Variants in OSBPL5 observed in about 807,000 individuals in gnomAD.
The protein encoded by OSBPL5 is oxysterol binding protein like 5.
Under a neutral mutation model 111.2 loss-of-function variants are expected in OSBPL5, and 71 were observed. The ratio of observed to expected loss-of-function variants is 0.64; its 90% CI spans 0.53 to 0.78. OSBPL5 has a LOEUF of 0.78. Ranked by LOEUF, OSBPL5 falls within the 30% of genes least tolerant of loss-of-function variation. OSBPL5 has a pLI of 0.00. For synonymous variants in OSBPL5, 549 were observed against 513.9 expected (o/e 1.07, Z -0.93); for missense variants, 1,210 against 1,189.3 (o/e 1.02, Z -0.26).
intron 1 of OSBPL5, among the ~76,000 whole-genome samples, chr11:3,156,184 TCCC>T (rs1846752776): frequency 6.6e-6 from 1 of 151,812 alleles, no homozygotes; most frequent in Admixed American, 6.6e-5. Flanking sequence ...CCCAGGTCAG[TCCC>T]CCGGGAGAGT....
chr11:3,130,145 A>G lies in OSBPL5; in HGVS notation c.-21-976T>C, dbSNP rs1182811704. Among the ~76,000 whole-genome samples the G allele has an allele frequency of 1.3e-5, 2 of 152,242 alleles. No individual in the cohort carries two copies. Among genetic ancestry groups the G allele is most frequent in the Admixed American group, 6.5e-5 (1 of 15,290 alleles). On this transcript the variant is annotated intron_variant, in intron 1 of 21. Coordinates refer to ENST00000263650, the MANE Select transcript of OSBPL5 (RefSeq NM_020896.4). The surrounding 1 kb of genome is among the most constrained non-coding windows in gnomAD (Gnocchi z 4.5). ...GCCAGATCCACTGAGGTCTCAGCCC[A>G]TTTTACAGATGAGAAAATCATGGCT...
chr11:3,091,271 G>A (rs372364187), intron 19 of OSBPL5, among the ~76,000 whole-genome samples: 15 of 152,376 alleles, frequency 9.8e-5, no homozygotes, highest in African/African-American at 3.4e-4. Flanking sequence ...CAGGGGTGGG[G>A]AAAAAGCAGA....
At chr11:3,148,582 C>T (rs978665995) in intron 1 of OSBPL5, among the ~76,000 whole-genome samples, 10 of 152,322 alleles carry the variant, frequency 6.6e-5, no homozygotes, top group East Asian at 1.9e-4. Context: ...GACGGCAGGG[C>T]GGGGGCACCG....
chr11:3,099,607 C>T (rs1857385887), intron 14 of OSBPL5, among the ~76,000 whole-genome samples: 2 of 152,102 alleles, frequency 1.3e-5, no homozygotes, highest in African/African-American at 4.8e-5. Flanking sequence ...CTACAGGGCA[C>T]CAAGGCAAGG....
In OSBPL5 at chr11:3,142,135, T is replaced by C. The variant is rs1846139816; in HGVS notation, c.-21-12966A>G. Among the ~76,000 whole-genome samples the C allele has an allele frequency of 6.6e-6, 1 of 152,194 alleles. No homozygotes were observed. On this transcript the variant is annotated intron_variant, in intron 1 of 21. Transcript: ENST00000263650. The surrounding 1 kb of genome is among the most constrained non-coding windows in gnomAD (Gnocchi z 7.1). The stretch of plus-strand genomic sequence containing the variant: ...GGTTTCACCATGTTGGCCAGGCTGG[T>C]CTCCAACTCCCGACCTCAAGTGATC...
chr11:3,090,950 G>A (rs1857035654), intron 19 of OSBPL5, among the ~76,000 whole-genome samples: 1 of 152,232 alleles, frequency 6.6e-6, no homozygotes, highest in African/African-American at 2.4e-5. Context: ...GCAAGGGCCT[G>A]CAAGGTGGTG....
chr11:3,135,140 T>C (rs1482947883), intron 1 of OSBPL5, among the ~76,000 whole-genome samples: 11 of 152,214 alleles, frequency 7.2e-5, no homozygotes, highest in Admixed American at 7.2e-4. Context: ...GTGCGTCTCT[T>C]TGGACCTGAA....
chr11:3,137,949 G>C lies in OSBPL5; in HGVS notation c.-21-8780C>G, dbSNP rs79232184. Among the ~76,000 whole-genome samples the C allele has an allele frequency of 7.5e-3, 1,143 of 152,348 alleles. 11 individuals are homozygous for C. Among genetic ancestry groups the C allele is most frequent in the African/African-American group, 0.026 (1,096 of 41,572 alleles). ...CTTTGGAGATAGCTGTGGAGCTGAG[G>C]GGGAGGCCAGGCCTCCCTCTGGGGA... On this transcript the variant is annotated intron_variant, in intron 1 of 21. Transcript: ENST00000263650.
At chr11:3,153,660 A>T (rs1007897925) in intron 1 of OSBPL5, among the ~76,000 whole-genome samples, 3 of 152,166 alleles carry the variant, frequency 2.0e-5, no homozygotes, top group Non-Finnish European at 4.4e-5. Flanking sequence ...AAGCAGACAC[A>T]GTTTAAAAAT....
chr11:3,151,911 A>G (rs1166982012), intron 1 of OSBPL5, among the ~76,000 whole-genome samples: 2 of 152,212 alleles, frequency 1.3e-5, no homozygotes, highest in Admixed American at 1.3e-4. Flanking sequence ...CCGTTCTCAA[A>G]TCTCCTGGAA....
At chr11:3,143,354 C>G (rs963593482) in intron 1 of OSBPL5, among the ~76,000 whole-genome samples, 3 of 152,128 alleles carry the variant, frequency 2.0e-5, no homozygotes, top group African/African-American at 7.2e-5. Context: ...CGCACGGACG[C>G]GACACACCCA....
intron 1 of OSBPL5, among the ~76,000 whole-genome samples, chr11:3,143,971 G>A (rs535059559): frequency 3.9e-5 from 6 of 152,296 alleles, no homozygotes; most frequent in African/African-American, 1.4e-4. Context: ...ACTGGGTTTG[G>A]GTAGCAGGAC....
Position 3,140,081 on chromosome 11 carries a change from C to T in OSBPL5, c.-21-10912G>A, listed in dbSNP as rs7934203. On this transcript the variant is annotated intron_variant, in intron 1 of 21. Coordinates refer to ENST00000263650, the MANE Select transcript of OSBPL5 (RefSeq NM_020896.4). The surrounding 1 kb of genome is among the most constrained non-coding windows in gnomAD (Gnocchi z 4.5). The stretch of plus-strand genomic sequence containing the variant: ...CCTGGGAGGGGGGTGTGCAGTGGTC[C>T]GCCAAGCAGCACCTCTGCCAAGGAG... 0.24 allele frequency among the ~76,000 whole-genome samples: 36,763 copies of T among 152,224 alleles called. 4,907 individuals are homozygous for T. Among genetic ancestry groups the T allele is most frequent in the African/African-American group, 0.37 (15,223 of 41,522 alleles).
At chr11:3,103,871 CCTGCCTCTGT>C (rs1373087739) in intron 10 of OSBPL5, among the ~76,000 whole-genome samples, 1 of 24,760 alleles carries the variant, frequency 4.0e-5, no homozygotes, top group Non-Finnish European at 1.0e-4. Flanking sequence ...CAGCCCCCTT[CCTGCCTCTGT>C]AGCCCCATTC....
At position 3,105,345 on chromosome 11, in the gene OSBPL5, C is replaced by T. The variant is rs1857656323; in HGVS notation, c.1060-968G>A. Among the ~76,000 whole-genome samples the T allele has an allele frequency of 6.6e-6, 1 of 152,166 alleles. No homozygotes were observed. Among genetic ancestry groups the T allele is most frequent in the Non-Finnish European group, 1.5e-5 (1 of 68,022 alleles). ...GCAAATGGCTTCGCCTCTCTGTGCA[C>T]GCATGGCCACGGACAGATCCTGGTG... is the stretch of plus-strand genomic sequence containing the variant. On this transcript the variant is annotated intron_variant, in intron 9 of 21. Transcript: ENST00000263650. The surrounding 1 kb of genome is among the most constrained non-coding windows in gnomAD (Gnocchi z 5.2).
At chr11:3,145,132 C>G (rs79186611) in intron 1 of OSBPL5, among the ~76,000 whole-genome samples, 3,196 of 152,342 alleles carry the variant, frequency 0.021, 123 homozygotes, top group African/African-American at 0.072. Context: ...CCCTCACGCT[C>G]TCTGCGTGCA....
intron 17 of OSBPL5, chr11:3,093,271 C>T (rs1439170564): frequency 1.4e-6 from 1 of 739,512 alleles, no homozygotes; most frequent in African/African-American, 1.8e-5. Flanking sequence ...GCAGGGACCT[C>T]CCTGTGCACC....
chr11:3,093,888 G>A lies in OSBPL5; in HGVS notation c.1720-53C>T, dbSNP rs117154950. ...CAGTGAGCGGGGGCTGGGGCCTCCAGAATCACATCCTCATGGGGGCACGGA... is the reference window on the plus strand; with the variant it reads ...CAGTGAGCGGGGGCTGGGGCCTCCAAAATCACATCCTCATGGGGGCACGGA... On this transcript the variant is annotated intron_variant, in intron 15 of 21. Transcript: ENST00000263650. The A allele has an allele frequency of 7.3e-3, 11,385 of 1,559,902 alleles. 61 individuals are homozygous for A. The highest frequency in any genetic ancestry group is 8.9e-3 in the Non-Finnish European group (10,316 of 1,153,454).
intron 21 of OSBPL5, among the ~76,000 whole-genome samples, chr11:3,088,876 C>T (rs947828489): frequency 6.6e-6 from 1 of 152,152 alleles, no homozygotes; most frequent in Non-Finnish European, 1.5e-5. Flanking sequence ...CCTGTGGCAC[C>T]GAGATCTTGG....
Sources: allele counts gnomAD v4.1 joint callset (sites outside exome capture counted in the v4.1 genomes callset), GRCh38; gene constraint gnomAD v4.1.1; non-coding constraint Gnocchi (gnomAD v3.1); transcripts MANE v1.5; gene names NCBI Gene and HGNC (gene_info 2026-07-23, HGNC 2026-07-21).